Variants in MICU3 observed in about 807,000 individuals in gnomAD.
MICU3 encodes mitochondrial calcium uptake 3.
MICU3 carries 62 observed loss-of-function variants against 66.5 expected under a neutral mutation model. That is an observed-to-expected ratio of 0.93 (90% confidence interval 0.76 to 1.15). The LOEUF (loss-of-function observed/expected upper bound fraction) is 1.15. Among genes scored for constraint, MICU3 ranks in the 50% most tolerant of loss-of-function variants. The pLI is 0.00. For synonymous variants in MICU3, 308 were observed against 240.7 expected (o/e 1.28, Z -2.59); for missense variants, 779 against 664.4 (o/e 1.17, Z -1.90).
intron 1 of MICU3, among the ~76,000 whole-genome samples, chr8:17,042,772 A>T (rs1814377589): frequency 6.6e-6 from 1 of 152,140 alleles, no homozygotes; most frequent in Non-Finnish European, 1.5e-5. Context: ...CAGGAAGTGT[A>T]TACAAAAGAA....
intron 11 of MICU3, among the ~76,000 whole-genome samples, chr8:17,110,706 G>C (rs1802117147): frequency 1.3e-5 from 2 of 151,866 alleles, no homozygotes; most frequent in African/African-American, 4.8e-5. Context: ...TGGGACTATA[G>C]GCATGTCCCA....
chr8:17,066,544 T>TATATATATATATATATATATA (rs1491234403), intron 2 of MICU3, among the ~76,000 whole-genome samples: 13 of 61,464 alleles, frequency 2.1e-4, no homozygotes, highest in African/African-American at 1.3e-3. Flanking sequence ...TATATATAGA[T>TATATATATATATATATATATA]TTTTTTTTTT....
intron 1 of MICU3, among the ~76,000 whole-genome samples, chr8:17,031,066 C>T (rs1811951292): frequency 6.6e-6 from 1 of 151,724 alleles, no homozygotes. Context: ...TGCCATTTTT[C>T]AGAAATACTA....
At chr8:17,055,896 G>C (rs1032854518) in intron 1 of MICU3, among the ~76,000 whole-genome samples, 6 of 152,176 alleles carry the variant, frequency 3.9e-5, no homozygotes, top group Non-Finnish European at 5.9e-5. Context: ...TCATTGAGAA[G>C]GGAGATGATC....
chr8:17,124,101 A>G (rs1316711986), downstream of MICU3, among the ~76,000 whole-genome samples: 1 of 152,044 alleles, frequency 6.6e-6, no homozygotes, highest in Non-Finnish European at 1.5e-5. Flanking sequence ...TTAGCTTGTT[A>G]AGTATTTATT....
Position 17,094,912 on chromosome 8 carries a change from G to A in MICU3, c.889-3546G>A, listed in dbSNP as rs368040053. On this transcript the variant is annotated intron_variant, in intron 8 of 14. Coordinates refer to ENST00000318063, the MANE Select transcript of MICU3 (RefSeq NM_181723.3). ...CTTAATTTCTCCTTAACAGTTTGCC[G>A]TATTTTTATCTTTTCATGCTGCATT... 1.9e-3 allele frequency among the ~76,000 whole-genome samples: 296 copies of A among 151,970 alleles called. 6 individuals are homozygous for A. In the South Asian group the frequency reaches 0.056, roughly 29 times the overall value.
chr8:17,045,901 C>T lies in MICU3; in HGVS notation c.382-18183C>T, dbSNP rs554953067. On this transcript the variant is annotated intron_variant, in intron 1 of 14. Transcript: ENST00000318063. ...TCATGAGAACAGCATGGGAAAGACC[C>T]GCCCCCATGATTCAGTTACCTCCCA... is the stretch of plus-strand genomic sequence containing the variant. 4.6e-5 allele frequency among the ~76,000 whole-genome samples: 7 copies of T among 152,244 alleles called. No homozygotes were observed. The South Asian group carries it at 8.3e-4, about 18-fold the overall frequency.
chr8:17,114,068 A>C, intron 11 of MICU3, 25 bp from the exon 12 acceptor site: 1 of 1,491,808 alleles, frequency 6.7e-7, no homozygotes, highest in Admixed American at 1.8e-5. Flanking sequence ...TACTAAATGT[A>C]TTTTCATTTC....
At chr8:17,113,666 G>A (rs559376696) in intron 11 of MICU3, among the ~76,000 whole-genome samples, 14 of 152,198 alleles carry the variant, frequency 9.2e-5, no homozygotes, top group South Asian at 6.2e-4. Flanking sequence ...TAATGATGCT[G>A]AATTCCATTT....
chr8:17,130,466 C>G, the MICU3 span, among the ~76,000 whole-genome samples: 1 of 151,720 alleles, frequency 6.6e-6, no homozygotes. Flanking sequence ...TTGCAGTGAG[C>G]CGAGATCGCA....
At chr8:17,081,951 A>G in intron 5 of MICU3, 1 of 342,300 alleles carries the variant, frequency 2.9e-6, no homozygotes, top group Non-Finnish European at 5.4e-6. Flanking sequence ...ATAAATGCTC[A>G]TAAATTATAA....
chr8:17,103,698 T>A (rs1801481153), intron 9 of MICU3, among the ~76,000 whole-genome samples: 1 of 151,902 alleles, frequency 6.6e-6, no homozygotes, highest in Non-Finnish European at 1.5e-5. Context: ...CCAAGCAGTT[T>A]TAAGAAAATA....
chr8:17,098,151 C>T (rs1800914737), intron 8 of MICU3, among the ~76,000 whole-genome samples: 1 of 151,518 alleles, frequency 6.6e-6, no homozygotes, highest in African/African-American at 2.4e-5. Flanking sequence ...TTTTTTTTCA[C>T]CCTTTCTTAG....
At chr8:17,078,202 A>G (rs1820666059) in intron 4 of MICU3, among the ~76,000 whole-genome samples, 1 of 152,072 alleles carries the variant, frequency 6.6e-6, no homozygotes, top group Admixed American at 6.6e-5. Flanking sequence ...AACATTTCAC[A>G]AAAATACTAG....
chr8:17,074,862 C>T (rs1309582444), intron 3 of MICU3, among the ~76,000 whole-genome samples: 1 of 151,704 alleles, frequency 6.6e-6, no homozygotes, highest in African/African-American at 2.4e-5. Flanking sequence ...TATTTTCTAC[C>T]TACAATTTAA....
intron 3 of MICU3, among the ~76,000 whole-genome samples, chr8:17,074,186 T>C (rs1474329615): frequency 6.6e-6 from 1 of 151,944 alleles, no homozygotes; most frequent in African/African-American, 2.4e-5. Flanking sequence ...GTGCCCAGCC[T>C]GTATAGTGGA....
chr8:17,104,363 A>G, intron 9 of MICU3, 28 bp from the exon 10 acceptor site: 1 of 1,198,908 alleles, frequency 8.3e-7, no homozygotes. Flanking sequence ...TATTGAAGCT[A>G]ACTTTTAAAT....
intron 1 of MICU3, among the ~76,000 whole-genome samples, chr8:17,056,353 G>A (rs1329123897): frequency 6.6e-6 from 1 of 152,172 alleles, no homozygotes; most frequent in Non-Finnish European, 1.5e-5. Flanking sequence ...GTTAAGGATT[G>A]TGCCAAATGA....
chr8:17,072,346 T>A (rs1819710986), intron 3 of MICU3, among the ~76,000 whole-genome samples: 2 of 152,072 alleles, frequency 1.3e-5, no homozygotes, highest in South Asian at 4.1e-4. Flanking sequence ...GGGGGCAAAT[T>A]AGGCCTCAGA....
Sources: gnomAD v4.1 joint callset for allele counts (sites outside exome capture counted in the v4.1 genomes callset) on GRCh38, gnomAD v4.1.1 for gene constraint, MANE v1.5 for transcripts, NCBI Gene and HGNC (gene_info 2026-07-23, HGNC 2026-07-21) for gene names.